The following ITPKB variants were observed in gnomAD, a reference collection of about 807,000 sequenced individuals.
The protein encoded by ITPKB is IP3 3-kinase B.
A neutral mutation model predicts 69.4 loss-of-function variants in ITPKB; 13 were observed. That is an observed-to-expected ratio of 0.19 (90% CI 0.12 to 0.30). ITPKB has a LOEUF of 0.30. Among genes scored for constraint, ITPKB ranks in the 10% least tolerant of loss-of-function variants. ITPKB has a pLI of 1.00. For synonymous variants in ITPKB, 584 were observed against 513.7 expected (o/e 1.14, Z -1.85); for missense variants, 1,240 against 1,250.5 (o/e 0.99, Z 0.13).
At chr1:226,639,130 T>C (rs144102283) in intron 6 of ITPKB, among the ~76,000 whole-genome samples, 13,757 of 147,948 alleles carry the variant, frequency 0.093, 700 homozygotes, top group East Asian at 0.16. Flanking sequence ...AAATCTCAGC[T>C]CACTGCAACC....
At chr1:226,695,239 G>A (rs1291177029) in intron 2 of ITPKB, among the ~76,000 whole-genome samples, 1 of 151,834 alleles carries the variant, frequency 6.6e-6, no homozygotes, top group East Asian at 1.9e-4. Flanking sequence ...CAATAAATAA[G>A]TAAATAAATA....
intron 2 of ITPKB, among the ~76,000 whole-genome samples, chr1:226,689,573 G>T (rs1437666862): frequency 2.4e-5 from 2 of 82,744 alleles, no homozygotes; most frequent in African/African-American, 1.2e-4. Context: ...TTTTATTTGT[G>T]TGTGTGTGTG....
chr1:226,646,399 C>T (rs540901724), intron 4 of ITPKB, among the ~76,000 whole-genome samples: 11 of 152,276 alleles, frequency 7.2e-5, no homozygotes, highest in East Asian at 1.9e-4. Flanking sequence ...AACTGAGCCC[C>T]GAGATCACAG....
intron 7 of ITPKB, among the ~76,000 whole-genome samples, chr1:226,636,905 C>T (rs1288460): frequency 0.35 from 53,708 of 151,846 alleles, 11,089 homozygotes; most frequent in African/African-American, 0.58. Context: ...TGTTAATGTG[C>T]TGTATGAATG....
chr1:226,733,568 C>G (rs1036754895), intron 2 of ITPKB, among the ~76,000 whole-genome samples: 7 of 151,728 alleles, frequency 4.6e-5, no homozygotes, highest in Non-Finnish European at 1.0e-4. Context: ...ACCCTTACCC[C>G]CCTACACACA....
In ITPKB at chr1:226,634,127, AC is replaced by A. The variant is rs1668777841; in HGVS notation, c.*543del. The stretch of plus-strand genomic sequence containing the variant: ...TCCCTGAGGCTGCTAATCGGAAGAC[AC>A]TTTGCTCACAGTCAACATGTGGTTC... On this transcript the variant is annotated 3_prime_UTR_variant, in exon 8 of 8. Coordinates refer to ENST00000429204, the MANE Select transcript of ITPKB (RefSeq NM_002221.4). The surrounding 1 kb of genome is among the most constrained non-coding windows in gnomAD (Gnocchi z 6.3). 6.4e-6 allele frequency: 1 copy of A among 155,128 alleles called. No homozygotes were observed. The highest frequency in any genetic ancestry group is 1.4e-5 in the Non-Finnish European group (1 of 69,664). 9.6% of individuals were successfully genotyped at this position (155,128 alleles called of 1,614,324 possible). A position where few individuals can be genotyped will look rare whatever the true frequency, so the allele number is the denominator to read the frequency against.
At chr1:226,694,089 T>C (rs1047495957) in intron 2 of ITPKB, among the ~76,000 whole-genome samples, 2 of 152,222 alleles carry the variant, frequency 1.3e-5, no homozygotes, top group East Asian at 1.9e-4. Context: ...AAGTGATTTG[T>C]GAGCATTTAC....
intron 2 of ITPKB, among the ~76,000 whole-genome samples, chr1:226,683,119 T>C (rs73100942): frequency 0.037 from 5,671 of 152,284 alleles, 354 homozygotes; most frequent in African/African-American, 0.13. Context: ...GTCACTGTGC[T>C]GTCCACGCTT....
At chr1:226,654,582 T>C (rs748990427) in intron 2 of ITPKB, among the ~76,000 whole-genome samples, 7 of 152,206 alleles carry the variant, frequency 4.6e-5, no homozygotes, top group Admixed American at 2.0e-4. Context: ...CTGTGGCAGG[T>C]GGGTGTGGAG....
intron 2 of ITPKB, among the ~76,000 whole-genome samples, chr1:226,650,171 C>G (rs1466251351): frequency 6.6e-6 from 1 of 152,204 alleles, no homozygotes; most frequent in East Asian, 1.9e-4. Flanking sequence ...GCTGGGTCCC[C>G]AAGGTGAAGT....
intron 2 of ITPKB, among the ~76,000 whole-genome samples, chr1:226,659,228 ATCATGGCCACTCTTCC>A (rs1168443186): frequency 6.6e-6 from 1 of 152,088 alleles, no homozygotes; most frequent in African/African-American, 2.4e-5. Context: ...GGGGCCCTCC[ATCATGGCCACTCTTCC>A]TCTTCCACCA....
chr1:226,651,320 C>T (rs1383184175), intron 2 of ITPKB, among the ~76,000 whole-genome samples: 1 of 152,158 alleles, frequency 6.6e-6, no homozygotes, highest in Non-Finnish European at 1.5e-5. Context: ...GCCCGAGTCC[C>T]GGCTCCCCTT....
chr1:226,658,757 G>A (rs112063861), intron 2 of ITPKB, among the ~76,000 whole-genome samples: 1 of 152,266 alleles, frequency 6.6e-6, no homozygotes, highest in South Asian at 2.1e-4. Context: ...TGGAACCCAT[G>A]AGCGTAGGGT....
At chr1:226,676,264 T>A (rs1270801492) in intron 2 of ITPKB, 2 of 152,196 alleles carry the variant, frequency 1.3e-5, no homozygotes, top group African/African-American at 2.4e-5. Flanking sequence ...AAGTCAGCCA[T>A]CTTAGTGTCA....
At position 226,737,309 on chromosome 1, in the gene ITPKB, G is replaced by A. The variant is rs776948571; in HGVS notation, c.150C>T (p.Pro50=). 3 of 1,581,490 alleles carry A rather than the reference G, an allele frequency of 1.9e-6. No homozygotes were observed. The African/African-American group carries it at 4.0e-5, about 21-fold the overall frequency. The part of the protein sequence containing the change: ...AVLSPGSVFS[P]GRGASFLFPP... ...GGAAGAGGAAAGAGGCGCCTCTCCC[G>A]GGGCTGAAAACGCTGCCGGGGCTCA... Residue 50 remains proline (P), a synonymous_variant, in exon 2 of 8, where the codon CCC becomes CCT. Coordinates refer to ENST00000429204, the MANE Select transcript of ITPKB (RefSeq NM_002221.4).
intron 2 of ITPKB, among the ~76,000 whole-genome samples, chr1:226,682,804 A>T (rs1369359615): frequency 1.3e-5 from 2 of 151,996 alleles, no homozygotes; most frequent in African/African-American, 4.8e-5. Context: ...CAGGGCAGCC[A>T]CTCCAGCATC....
In ITPKB at chr1:226,680,802, A is replaced by C. The variant is rs555292710; in HGVS notation, c.1933-32031T>G. ...GGATTCATAAAGCCCTTTTGCCTTG[A>C]AGCCCATAGGGCACAGGAGAGCTAC... is the stretch of plus-strand genomic sequence containing the variant. On this transcript the variant is annotated intron_variant, in intron 2 of 7. Coordinates refer to ENST00000429204, the MANE Select transcript of ITPKB (RefSeq NM_002221.4). 2.0e-5 allele frequency among the ~76,000 whole-genome samples: 3 copies of C among 152,336 alleles called. No individual in the cohort carries two copies. The East Asian group carries it at 5.8e-4, about 29-fold the overall frequency.
rs1657785474 is a variant in ITPKB, at chr1:226,736,743, C to T, written c.716G>A (p.Gly239Asp). Reference sequence around the variant, plus strand: ...CTCTGATCCTGTAGGGGCAGCCCGGCCGGGAAGAGGTGGCATTCCTTTCTT... The same window carrying T: ...CTCTGATCCTGTAGGGGCAGCCCGGTCGGGAAGAGGTGGCATTCCTTTCTT... The part of the protein sequence containing the change: ...QVKKGMPPLP[G>D]RAAPTGSEAQ... The change falls in exon 2 of 8, where the codon GGC becomes GAC. Residue 239 changes from glycine to aspartate, a missense_variant. Gly to Asp is a moderately conservative substitution (Grantham distance 94). This residue lies in a region of ITPKB where 992 missense variants were observed against 853.8 expected (regional missense o/e 1.16). Coordinates refer to ENST00000429204, the MANE Select transcript of ITPKB (RefSeq NM_002221.4). 2 of 1,612,784 alleles carry T rather than the reference C, an allele frequency of 1.2e-6. No homozygotes were observed. The highest frequency in any genetic ancestry group is 1.3e-5 in the African/African-American group (1 of 75,064).
At chr1:226,649,054 G>T (rs959162951) in intron 2 of ITPKB, among the ~76,000 whole-genome samples, 1 of 152,204 alleles carries the variant, frequency 6.6e-6, no homozygotes, top group African/African-American at 2.4e-5. Flanking sequence ...CCACCCAGCC[G>T]CACCACATTA....
Sources: allele counts gnomAD v4.1 joint callset (sites outside exome capture counted in the v4.1 genomes callset), GRCh38; gene constraint gnomAD v4.1.1; regional missense constraint gnomAD v4.1.1; non-coding constraint Gnocchi (gnomAD v3.1); transcripts MANE v1.5; gene names NCBI Gene and HGNC (gene_info 2026-07-23, HGNC 2026-07-21).